Variants in PSMB2 observed in about 807,000 individuals in gnomAD.
PSMB2 encodes proteasome 20S subunit beta 2, also known as proteasome subunit beta type-2.
In PSMB2, 13 loss-of-function variants were observed where a neutral mutation model predicts 25.7. The ratio of observed to expected loss-of-function variants is 0.51; its 90% CI spans 0.33 to 0.80. The LOEUF is 0.80. PSMB2 is among the 30% of genes least tolerant of loss of function. The pLI is 0.02. For synonymous variants in PSMB2, 87 were observed against 96.2 expected (o/e 0.90, Z 0.56); for missense variants, 202 against 259.0 (o/e 0.78, Z 1.51).
At chr1:35,613,985 C>T (rs1220628372) in intron 3 of PSMB2, among the ~76,000 whole-genome samples, 2 of 152,150 alleles carry the variant, frequency 1.3e-5, no homozygotes, top group African/African-American at 2.4e-5. Context: ...CACTGAGATA[C>T]GAGGGAAATT....
chr1:35,613,797 C>T (rs771582062), intron 3 of PSMB2, among the ~76,000 whole-genome samples: 6 of 152,200 alleles, frequency 3.9e-5, no homozygotes, highest in Non-Finnish European at 8.8e-5. Flanking sequence ...AAAAGTTAGT[C>T]ATTTAATCTC....
At position 35,628,593 on chromosome 1, in the gene PSMB2, AAAAATATATATATATATAT is replaced by A. The variant is rs1215652670; in HGVS notation, c.285+2662_285+2680del. On this transcript the variant is annotated intron_variant, in intron 3 of 5. Transcript: ENST00000373237. ...TTTCTTGGAAGAAAAAAAAAAAAAAAAAAATATATATATATATATATATATATATATATATATATTTTTT... is the reference window on the plus strand; with the variant it reads ...TTTCTTGGAAGAAAAAAAAAAAAAAAATATATATATATATATATATTTTTT... Among the ~76,000 whole-genome samples, 118 of 27,220 alleles carry A rather than the reference AAAAATATATATATATATAT, an allele frequency of 4.3e-3. 1 individual carries two copies. Among genetic ancestry groups the A allele is most frequent in the East Asian group, 0.02 (5 of 254 alleles). The allele number at this position is 27,220 out of a possible 152,430, so 17.9% of individuals were successfully genotyped here.
chr1:35,623,024 T>C (rs760577568), intron 3 of PSMB2, among the ~76,000 whole-genome samples: 3 of 152,140 alleles, frequency 2.0e-5, no homozygotes, highest in Non-Finnish European at 2.9e-5. Flanking sequence ...CTCCTCCTAG[T>C]AGAAAAACAC....
chr1:35,640,866 G>A (rs1426907235), intron 1 of PSMB2, among the ~76,000 whole-genome samples: 1 of 152,198 alleles, frequency 6.6e-6, no homozygotes, highest in South Asian at 2.1e-4. Flanking sequence ...GGCCAGAGCA[G>A]AGCACTGACC....
At chr1:35,605,094 G>T in intron 5 of PSMB2, 139 bp downstream of exon 5, 1 of 720,734 alleles carries the variant, frequency 1.4e-6, no homozygotes, top group Non-Finnish European at 2.3e-6. Flanking sequence ...TCTATCCCTG[G>T]TAGCAACTTC....
chr1:35,600,344 G>A lies in PSMB2; in HGVS notation c.*2923C>T. The A allele has an allele frequency of 4.6e-6, 4 of 877,164 alleles. No homozygotes were observed. Among genetic ancestry groups the A allele is most frequent in the Non-Finnish European group, 5.5e-6 (4 of 731,650 alleles). The allele number at this position is 877,164 out of a possible 1,614,324, so 54.3% of individuals were successfully genotyped here. ...TGGTAAAATCTGAATAAAGCCTGGA[G>A]CTTAGTAATACTAATACACCAACCA... On this transcript the variant is annotated 3_prime_UTR_variant, in exon 6 of 6. Transcript: ENST00000373237.
intron 2 of PSMB2, chr1:35,631,668 A>G (rs998457730): frequency 3.3e-5 from 8 of 241,510 alleles, no homozygotes; most frequent in Admixed American, 2.4e-4. Flanking sequence ...CGAATACACA[A>G]GAAGTGAAAA....
At chr1:35,623,159 C>T (rs978493782) in intron 3 of PSMB2, among the ~76,000 whole-genome samples, 1 of 152,244 alleles carries the variant, frequency 6.6e-6, no homozygotes, top group African/African-American at 2.4e-5. Context: ...ATGGGGCCAA[C>T]ATGAGCCACC....
intron 3 of PSMB2, among the ~76,000 whole-genome samples, chr1:35,623,217 G>A (rs1203530418): frequency 1.3e-5 from 2 of 152,230 alleles, no homozygotes; most frequent in African/African-American, 2.4e-5. Context: ...ATACACATAT[G>A]TTTTGCAGAA....
At chr1:35,638,515 GA>G (rs1285768710) in intron 1 of PSMB2, among the ~76,000 whole-genome samples, 4 of 152,190 alleles carry the variant, frequency 2.6e-5, no homozygotes, top group Admixed American at 2.0e-4. Flanking sequence ...CCAAATGTGT[GA>G]AATGTTAATA....
At chr1:35,628,045 T>C (rs929267025) in intron 3 of PSMB2, among the ~76,000 whole-genome samples, 6 of 152,198 alleles carry the variant, frequency 3.9e-5, no homozygotes, top group Non-Finnish European at 8.8e-5. Flanking sequence ...CTAAATTTGG[T>C]GACTTTGCAC....
chr1:35,603,124 C>G lies in PSMB2; in HGVS notation c.*143G>C, dbSNP rs1650053809. The stretch of plus-strand genomic sequence containing the variant: ...GAGGTAATATTAGGTAAACTGAGAC[C>G]TGGACCAGAGGGCTCAATTATATCC... On this transcript the variant is annotated 3_prime_UTR_variant, in exon 6 of 6. Coordinates refer to ENST00000373237, the MANE Select transcript of PSMB2 (RefSeq NM_002794.5). 2.8e-6 allele frequency: 4 copies of G among 1,428,146 alleles called. No individual in the cohort carries two copies. The highest frequency in any genetic ancestry group is 3.7e-6 in the Non-Finnish European group (4 of 1,091,138). The allele number at this position is 1,428,146 out of a possible 1,614,324, so 88.5% of individuals were successfully genotyped here. A position where few individuals can be genotyped will look rare whatever the true frequency, so the allele number is the denominator to read the frequency against.
At chr1:35,618,277 C>T (rs1167116362) in intron 3 of PSMB2, among the ~76,000 whole-genome samples, 2 of 152,118 alleles carry the variant, frequency 1.3e-5, no homozygotes, top group African/African-American at 2.4e-5. Flanking sequence ...GGGACAGTGG[C>T]AGTCCAACTG....
chr1:35,605,750 T>C (rs1032575079), intron 4 of PSMB2, among the ~76,000 whole-genome samples: 4 of 152,184 alleles, frequency 2.6e-5, no homozygotes, highest in East Asian at 1.9e-4. Context: ...AGAGAATTCA[T>C]AGGATGGGGC....
intron 3 of PSMB2, among the ~76,000 whole-genome samples, chr1:35,620,508 A>G (rs1650647721): frequency 6.6e-6 from 1 of 151,944 alleles, no homozygotes; most frequent in Admixed American, 6.5e-5. Context: ...GCTTGTATTT[A>G]TTTATTTATT....
In PSMB2 at chr1:35,601,017, C is replaced by T; in HGVS notation, c.*2250G>A. 1.0e-6 allele frequency: 1 copy of T among 980,786 alleles called. No homozygotes were observed. Among genetic ancestry groups the T allele is most frequent in the Non-Finnish European group, 1.2e-6 (1 of 828,160 alleles). The allele number at this position is 980,786 out of a possible 1,614,324, so 60.8% of individuals were successfully genotyped here. On this transcript the variant is annotated 3_prime_UTR_variant, in exon 6 of 6. Coordinates refer to ENST00000373237, the MANE Select transcript of PSMB2 (RefSeq NM_002794.5). The stretch of plus-strand genomic sequence containing the variant: ...AGCAGGATAGTCTGTGCTTTAGTAG[C>T]AGCACTCCACTGGGTAGGGCGTCAG...
At chr1:35,635,828 C>CAAAAAAA (rs1163061850) in intron 2 of PSMB2, among the ~76,000 whole-genome samples, 42 of 34,202 alleles carry the variant, frequency 1.2e-3, no homozygotes, top group African/African-American at 1.6e-3. Flanking sequence ...GACTCCGTCT[C>CAAAAAAA]AAAAAAAAAA....
At position 35,601,135 on chromosome 1, in the gene PSMB2, C is replaced by T. The variant is rs990152844; in HGVS notation, c.*2132G>A. On this transcript the variant is annotated 3_prime_UTR_variant, in exon 6 of 6. Transcript: ENST00000373237. ...AGGCTGGAGTGCAGTGGCATGATCTCGGCTCACTGCAACCTCCCTCTCCCG... is the reference window on the plus strand; with the variant it reads ...AGGCTGGAGTGCAGTGGCATGATCTTGGCTCACTGCAACCTCCCTCTCCCG... 3.1e-5 allele frequency: 25 copies of T among 815,286 alleles called. No homozygotes were observed. The South Asian group carries it at 9.9e-4, about 32-fold the overall frequency. The allele number at this position is 815,286 out of a possible 1,614,324, so 50.5% of individuals were successfully genotyped here. A position where few individuals can be genotyped will look rare whatever the true frequency, so the allele number is the denominator to read the frequency against.
intron 3 of PSMB2, among the ~76,000 whole-genome samples, chr1:35,626,415 C>A (rs980680346): frequency 6.6e-6 from 1 of 152,186 alleles, no homozygotes; most frequent in Non-Finnish European, 1.5e-5. Flanking sequence ...ATATTCTCAG[C>A]AGAATATATA....
Sources: allele counts gnomAD v4.1 joint callset (sites outside exome capture counted in the v4.1 genomes callset), GRCh38; gene constraint gnomAD v4.1.1; transcripts MANE v1.5; gene names NCBI Gene and HGNC (gene_info 2026-07-23, HGNC 2026-07-21).